Variants in PRKD1 observed in about 807,000 individuals in gnomAD.
The protein encoded by PRKD1 is serine/threonine-protein kinase D1.
Under a neutral mutation model 95.9 loss-of-function variants are expected in PRKD1, and 63 were observed. The observed-to-expected ratio is 0.66, with a 90% CI of 0.54 to 0.81. PRKD1 has a LOEUF of 0.81. Ranked by LOEUF, PRKD1 falls within the 30% of genes least tolerant of loss-of-function variation. The pLI, the probability that PRKD1 is intolerant of heterozygous loss-of-function variation, is 0.00. For synonymous variants in PRKD1, 425 were observed against 423.1 expected (o/e 1.00, Z -0.05); for missense variants, 1,048 against 1,165.3 (o/e 0.90, Z 1.47).
At chr14:29,713,930 C>T (rs994369770) in intron 2 of PRKD1, among the ~76,000 whole-genome samples, 2 of 152,098 alleles carry the variant, frequency 1.3e-5, no homozygotes, top group Admixed American at 6.6e-5. Context: ...AAACTCAGGC[C>T]GGTTACTTCT....
At chr14:29,917,422 C>T (rs969307479) in intron 1 of PRKD1, among the ~76,000 whole-genome samples, 4 of 151,984 alleles carry the variant, frequency 2.6e-5, no homozygotes, top group African/African-American at 9.7e-5. Context: ...TTTACATCAA[C>T]ATAAATGTCG....
chr14:29,618,986 G>C (rs797012607), intron 13 of PRKD1, among the ~76,000 whole-genome samples: 35 of 152,306 alleles, frequency 2.3e-4, no homozygotes, highest in African/African-American at 6.3e-4. Context: ...GAGGAGGAAG[G>C]GGGAGGGCAA....
At chr14:29,759,996 C>T (rs1887899388) in intron 1 of PRKD1, among the ~76,000 whole-genome samples, 1 of 152,186 alleles carries the variant, frequency 6.6e-6, no homozygotes, top group Non-Finnish European at 1.5e-5. Context: ...TGACTATAAA[C>T]ACATGCAAAG....
chr14:29,850,506 G>A (rs777348698), intron 1 of PRKD1, among the ~76,000 whole-genome samples: 2 of 150,374 alleles, frequency 1.3e-5, no homozygotes, highest in Non-Finnish European at 3.0e-5. Flanking sequence ...ACAGTACCTA[G>A]GAATACATCT....
At chr14:29,686,636 A>G (rs373083938) in intron 2 of PRKD1, among the ~76,000 whole-genome samples, 3 of 152,182 alleles carry the variant, frequency 2.0e-5, no homozygotes. Flanking sequence ...GGGCTTTGCC[A>G]GTATTCCATG....
rs547022097 is a variant in PRKD1 at position 29,877,460 on chromosome 14, T to A, written c.264+49789A>T. Among the ~76,000 whole-genome samples the A allele has an allele frequency of 3.3e-5, 5 of 152,360 alleles. No homozygotes were observed. In the South Asian group the frequency reaches 1.0e-3, roughly 32 times the overall value. On this transcript the variant is annotated intron_variant, in intron 1 of 17. Coordinates refer to ENST00000331968, the MANE Select transcript of PRKD1 (RefSeq NM_002742.3). ...GGTTGTCTGTTTACTCTGTTAATAG[T>A]TTATTTTGCTGTGCAGAAGCTCTTA... is the stretch of plus-strand genomic sequence containing the variant.
chr14:29,613,015 G>A (rs944831347), intron 13 of PRKD1, among the ~76,000 whole-genome samples: 17 of 152,012 alleles, frequency 1.1e-4, no homozygotes, highest in African/African-American at 3.4e-4. Context: ...GGAGAATGGC[G>A]TGAACTCGGG....
chr14:29,599,758 C>T lies in PRKD1; in HGVS notation c.1965G>A (p.Val655=). ...CATGGAGTTTTTCCATAACAACAAA[C>T]ACTCTTTCAGGCGTCTCAAACATAC... The part of the protein sequence containing the change: ...LECMFETPER[V]FVVMEKLHGD... Residue 655 remains valine, a synonymous_variant, in exon 14 of 18, where the codon GTG becomes GTA. Transcript: ENST00000331968. The T allele has an allele frequency of 1.2e-6, 2 of 1,613,282 alleles. No individual in the cohort carries two copies. Among genetic ancestry groups the T allele is most frequent in the Non-Finnish European group, 1.7e-6 (2 of 1,179,618 alleles).
At position 29,634,420 on chromosome 14, in the gene PRKD1, G is replaced by C; in HGVS notation, c.1312C>G (p.Leu438Val). Reference protein sequence around the residue: ...WMVHYTSKDTLRKRHYWRLDS... With the variant: ...WMVHYTSKDTVRKRHYWRLDS... ...ACATTGTTCCCTGTGGATCTTACCA[G>C]CGTGTCCTTGCTGGTGTAGTGGACC... is the stretch of plus-strand genomic sequence containing the variant. Residue 438 changes from leucine (L) to valine (V), a missense_variant and splice_region_variant, in exon 8 of 18, where the codon CTG becomes GTG. Coordinates refer to ENST00000331968, the MANE Select transcript of PRKD1 (RefSeq NM_002742.3). The C allele has an allele frequency of 6.2e-7, 1 of 1,614,042 alleles. No homozygotes were observed. The highest frequency in any genetic ancestry group is 2.2e-5 in the East Asian group (1 of 44,870).
At chr14:29,865,725 C>A (rs1892874409) in intron 1 of PRKD1, among the ~76,000 whole-genome samples, 1 of 152,184 alleles carries the variant, frequency 6.6e-6, no homozygotes, top group South Asian at 2.1e-4. Context: ...TCTGTTACAG[C>A]AGCATAAAAG....
chr14:29,683,282 C>T (rs768767448), intron 2 of PRKD1, among the ~76,000 whole-genome samples: 3 of 152,112 alleles, frequency 2.0e-5, no homozygotes, highest in Admixed American at 1.3e-4. Flanking sequence ...TTGAAAAAAG[C>T]GGTCAACAGT....
chr14:29,833,982 T>C (rs1171463453), intron 1 of PRKD1, among the ~76,000 whole-genome samples: 1 of 152,088 alleles, frequency 6.6e-6, no homozygotes, highest in Non-Finnish European at 1.5e-5. Context: ...ACAGCTCACT[T>C]CCTAAAGAAC....
intron 1 of PRKD1, among the ~76,000 whole-genome samples, chr14:29,874,702 C>T (rs191574624): frequency 5.1e-4 from 78 of 152,198 alleles, no homozygotes; most frequent in African/African-American, 1.8e-3. Context: ...TGGACATAAA[C>T]TAGAGGTCAT....
chr14:29,927,685 A>T lies in PRKD1; in HGVS notation c.-173T>A. 52 of 97,868 alleles carry T rather than the reference A, an allele frequency of 5.3e-4. No individual in the cohort carries two copies. Among genetic ancestry groups the T allele is most frequent in the Non-Finnish European group, 7.6e-4 (39 of 51,204 alleles). 6.1% of individuals were successfully genotyped at this position (97,868 alleles called of 1,614,324 possible). A position where few individuals can be genotyped will look rare whatever the true frequency, so the allele number is the denominator to read the frequency against. On this transcript the variant is annotated 5_prime_UTR_variant, in exon 1 of 18. Coordinates refer to ENST00000331968, the MANE Select transcript of PRKD1 (RefSeq NM_002742.3). ...GGAGGGCAAGGGGATGAGGATCGGGAGGGGAGGGGACTAAGGGGAGGAGAT... is the reference window on the plus strand; with the variant it reads ...GGAGGGCAAGGGGATGAGGATCGGGTGGGGAGGGGACTAAGGGGAGGAGAT...
At chr14:29,734,028 C>CTTTTTTTTTTTTTTTTTTTTTTT (rs58908662) in intron 1 of PRKD1, among the ~76,000 whole-genome samples, 2 of 64,640 alleles carry the variant, frequency 3.1e-5, no homozygotes, top group African/African-American at 1.6e-4. Context: ...ACTTTCCTGC[C>CTTTTTTTTTTTTTTTTTTTTTTT]TTTTTTTTTT....
chr14:29,783,738 G>C (rs1889149526), intron 1 of PRKD1, among the ~76,000 whole-genome samples: 1 of 152,146 alleles, frequency 6.6e-6, no homozygotes, highest in South Asian at 2.1e-4. Flanking sequence ...CTGATGATTA[G>C]AGAGATGCTG....
chr14:29,621,436 C>G lies in PRKD1; in HGVS notation c.1905+2716G>C, dbSNP rs557487246. ...TTTATTTCTTTCCCTCTCTTTCTTC[C>G]TTTCCTTTCCTTTCCTTCTTTTTTG... On this transcript the variant is annotated intron_variant, in intron 13 of 17. Coordinates refer to ENST00000331968, the MANE Select transcript of PRKD1 (RefSeq NM_002742.3). Among the ~76,000 whole-genome samples, 137 of 151,312 alleles carry G rather than the reference C, an allele frequency of 9.1e-4. 3 individuals are homozygous for G. In the South Asian group the frequency reaches 0.027, roughly 29 times the overall value.
rs187979025 is a variant in PRKD1 at position 29,790,486 on chromosome 14, C to A, written c.265-64812G>T. ...ATTGATATAAGCATTAATCAATTGACTGAGTTTAACAATCCCTGGAATTAG... is the reference window on the plus strand; with the variant it reads ...ATTGATATAAGCATTAATCAATTGAATGAGTTTAACAATCCCTGGAATTAG... On this transcript the variant is annotated intron_variant, in intron 1 of 17. Transcript: ENST00000331968. Among the ~76,000 whole-genome samples, 72 of 152,224 alleles carry A rather than the reference C, an allele frequency of 4.7e-4. 1 individual carries two copies. The East Asian group carries it at 0.014, about 29-fold the overall frequency.
At chr14:29,695,325 T>A (rs774176031) in intron 2 of PRKD1, among the ~76,000 whole-genome samples, 6 of 152,034 alleles carry the variant, frequency 3.9e-5, no homozygotes, top group Non-Finnish European at 8.8e-5. Context: ...AGTGATATGA[T>A]CCAGTGTAGA....
Sources: allele counts gnomAD v4.1 joint callset (sites outside exome capture counted in the v4.1 genomes callset), GRCh38; gene constraint gnomAD v4.1.1; transcripts MANE v1.5; gene names NCBI Gene and HGNC (gene_info 2026-07-23, HGNC 2026-07-21).